Variants in CCDC15 observed in about 807,000 individuals in gnomAD.
The protein encoded by CCDC15 is coiled-coil domain containing 15.
In CCDC15, 105 loss-of-function variants were observed where a neutral mutation model predicts 114.5. The observed-to-expected ratio is 0.92, with a 90% CI of 0.78 to 1.08. CCDC15 has a LOEUF of 1.08. Ranked by LOEUF, CCDC15 falls within the 50% of genes least tolerant of loss-of-function variation. The pLI is 0.00. For synonymous variants in CCDC15, 334 were observed against 377.8 expected (o/e 0.88, Z 1.34); for missense variants, 1,105 against 1,093.6 (o/e 1.01, Z -0.15).
At chr11:124,996,118 A>G (rs1211888088) in intron 11 of CCDC15, among the ~76,000 whole-genome samples, 2 of 152,068 alleles carry the variant, frequency 1.3e-5, no homozygotes, top group African/African-American at 2.4e-5. Context: ...GGTGTGAGCC[A>G]CTGTACCTGG....
intron 11 of CCDC15, 150 bp from the exon 12 acceptor site, chr11:125,003,717 G>A (rs915146189): frequency 1.9e-6 from 1 of 517,428 alleles, no homozygotes; most frequent in African/African-American, 2.0e-5. Context: ...ATTCTTTTTT[G>A]ATTTTATTCT....
chr11:125,031,377 C>T (rs1948738404), intron 13 of CCDC15, among the ~76,000 whole-genome samples: 1 of 152,224 alleles, frequency 6.6e-6, no homozygotes, highest in African/African-American at 2.4e-5. Flanking sequence ...AGACCATGGG[C>T]ATTTGAGCCA....
chr11:125,000,733 C>T (rs943851546), intron 11 of CCDC15, among the ~76,000 whole-genome samples: 1 of 151,978 alleles, frequency 6.6e-6, no homozygotes, highest in Non-Finnish European at 1.5e-5. Context: ...TAAATAACTT[C>T]TAAAATAATA....
intron 13 of CCDC15, among the ~76,000 whole-genome samples, chr11:125,018,524 C>T (rs895927713): frequency 2.6e-5 from 4 of 151,994 alleles, no homozygotes; most frequent in African/African-American, 9.7e-5. Flanking sequence ...TAATACAGCA[C>T]GTGGTTAAGA....
Position 124,967,308 on chromosome 11 carries a change from C to T in CCDC15, c.516+7305C>T, listed in dbSNP as rs186422098. Among the ~76,000 whole-genome samples the T allele has an allele frequency of 6.6e-5, 10 of 152,284 alleles. No individual in the cohort carries two copies. In the East Asian group the frequency reaches 1.9e-3, roughly 29 times the overall value. ...TAGATTTGGTCTTTTCACATAGTCC[C>T]ATATTTCTTGGAGGCTTTGTTCATT... On this transcript the variant is annotated intron_variant, in intron 4 of 15. Transcript: ENST00000344762.
rs1338327158 is a variant in CCDC15, at chr11:124,987,589, C to G, written c.1363C>G (p.His455Asp). 2 of 1,613,774 alleles carry G rather than the reference C, an allele frequency of 1.2e-6. No homozygotes were observed. Among genetic ancestry groups the G allele is most frequent in the Non-Finnish European group, 1.7e-6 (2 of 1,179,850 alleles). Residue 455 changes from histidine to aspartate, a missense_variant, in exon 8 of 16, where the codon CAT becomes GAT. His to Asp is a moderately conservative substitution (Grantham distance 81). Transcript: ENST00000344762. ...QDQDFLPRDQ[H>D]VLHKDQDILP... is the part of the protein sequence containing the mutation. The stretch of plus-strand genomic sequence containing the variant: ...CCAGGACTTCCTACCCAGAGACCAG[C>G]ATGTTCTCCACAAAGACCAAGATAT...
Position 124,987,590 on chromosome 11 carries a change from A to G in CCDC15, c.1364A>G (p.His455Arg). 1.9e-6 allele frequency: 3 copies of G among 1,613,862 alleles called. No homozygotes were observed. Among genetic ancestry groups the G allele is most frequent in the Non-Finnish European group, 1.7e-6 (2 of 1,179,858 alleles). The change falls in exon 8 of 16, where the codon CAT becomes CGT. Residue 455 changes from histidine (H) to arginine (R), a missense_variant. Coordinates refer to ENST00000344762, the MANE Select transcript of CCDC15 (RefSeq NM_025004.3). ...QDQDFLPRDQ[H>R]VLHKDQDILP... ...CAGGACTTCCTACCCAGAGACCAGC[A>G]TGTTCTCCACAAAGACCAAGATATT...
intron 13 of CCDC15, among the ~76,000 whole-genome samples, chr11:125,017,729 A>G (rs1331443656): frequency 6.6e-6 from 1 of 152,102 alleles, no homozygotes; most frequent in Non-Finnish European, 1.5e-5. Context: ...TGCCTCTGAA[A>G]ACTGTCCAGT....
intron 4 of CCDC15, among the ~76,000 whole-genome samples, chr11:124,967,824 A>G (rs12283057): frequency 0.21 from 30,748 of 149,206 alleles, 3,647 homozygotes; most frequent in African/African-American, 0.34. Flanking sequence ...TTTGGTGTGG[A>G]TGTCCTTTTT....
Position 125,013,329 on chromosome 11 carries a change from A to G in CCDC15, c.2411+8117A>G, listed in dbSNP as rs547789437. Among the ~76,000 whole-genome samples, 4 of 152,276 alleles carry G rather than the reference A, an allele frequency of 2.6e-5. No homozygotes were observed. In the South Asian group the frequency reaches 8.3e-4, roughly 32 times the overall value. ...TAAAATAAAAATTTGGGGTGGCTAA[A>G]CCCCAAGTGAAGTGAAGTGGCAGAG... On this transcript the variant is annotated intron_variant, in intron 13 of 15. Coordinates refer to ENST00000344762, the MANE Select transcript of CCDC15 (RefSeq NM_025004.3).
intron 6 of CCDC15, 42 bp from the exon 7 acceptor site, chr11:124,986,700 T>TGTGTGTGTGTGTGTGTGCGCGCGC (rs878887902): frequency 2.3e-6 from 3 of 1,298,018 alleles, no homozygotes; most frequent in African/African-American, 3.3e-5. Context: ...TTTGTGTGTG[T>TGTGTGTGTGTGTGTGTGCGCGCGC]GCGCGCGCGC....
intron 13 of CCDC15, among the ~76,000 whole-genome samples, chr11:125,012,698 G>A (rs1591608469): frequency 6.6e-6 from 1 of 152,096 alleles, no homozygotes; most frequent in East Asian, 1.9e-4. Flanking sequence ...GAATCAAGGT[G>A]GGAGGAAATA....
rs972875380 is a variant in CCDC15 at position 124,959,272 on chromosome 11, C to G, written c.327+8C>G. The stretch of plus-strand genomic sequence containing the variant: ...CAGAAGTCTTATGAAAGAGTAAGTT[C>G]AAAAGTGAGCCTGAGTAAAGATTGA... On this transcript the variant is annotated splice_region_variant and intron_variant, in intron 3 of 15. Transcript: ENST00000344762. 17 of 1,561,100 alleles carry G rather than the reference C, an allele frequency of 1.1e-5. No individual in the cohort carries two copies. Among genetic ancestry groups the G allele is most frequent in the Non-Finnish European group, 1.5e-5 (17 of 1,159,710 alleles).
At chr11:125,020,226 G>A (rs552106538) in intron 13 of CCDC15, among the ~76,000 whole-genome samples, 1 of 152,006 alleles carries the variant, frequency 6.6e-6, no homozygotes, top group African/African-American at 2.4e-5. Context: ...TTTTCCAGCA[G>A]GGCACCTCTT....
rs545770144 is a variant in CCDC15, at chr11:124,959,413, G to T, written c.327+149G>T. 130 of 727,304 alleles carry T rather than the reference G, an allele frequency of 1.8e-4. 3 individuals carry two copies. The South Asian group carries it at 3.3e-3, about 18-fold the overall frequency. The allele number at this position is 727,304 out of a possible 1,614,324, so 45.1% of individuals were successfully genotyped here. The stretch of plus-strand genomic sequence containing the variant: ...GTGAAGACAGTAAATTTTTTTTGTA[G>T]AGAAACCATGTTTTATTCCTGTGTT... On this transcript the variant is annotated intron_variant, in intron 3 of 15. Transcript: ENST00000344762.
At position 124,977,492 on chromosome 11, in the gene CCDC15, G is replaced by A; in HGVS notation, c.645G>A (p.Arg215=). 1 of 1,593,114 alleles carries A rather than the reference G, an allele frequency of 6.3e-7. No individual in the cohort carries two copies. Among genetic ancestry groups the A allele is most frequent in the Non-Finnish European group, 8.5e-7 (1 of 1,170,286 alleles). The change falls in exon 6 of 16, where the codon AGG becomes AGA. Residue 215 remains arginine (R), a synonymous_variant. Coordinates refer to ENST00000344762, the MANE Select transcript of CCDC15 (RefSeq NM_025004.3). The part of the protein sequence containing the change: ...SFLTREEVLS[R]KPASTGINTG... ...TTTTTTTCCAGGAAGTGCTTTCCAGGAAACCAGCATCCACTGGGATAAATA... is the reference window on the plus strand; with the variant it reads ...TTTTTTTCCAGGAAGTGCTTTCCAGAAAACCAGCATCCACTGGGATAAATA...
chr11:125,008,770 G>A (rs1461200215), intron 13 of CCDC15, among the ~76,000 whole-genome samples: 2 of 151,710 alleles, frequency 1.3e-5, no homozygotes, highest in African/African-American at 4.8e-5. Flanking sequence ...TCGGCTCACT[G>A]CAACCTCCGC....
intron 4 of CCDC15, among the ~76,000 whole-genome samples, chr11:124,962,865 G>T (rs905524315): frequency 1.3e-5 from 2 of 152,116 alleles, no homozygotes; most frequent in African/African-American, 4.8e-5. Context: ...TGTTCTCATT[G>T]TTCAATTCCG....
chr11:125,032,517 A>T (rs973199862), intron 13 of CCDC15, among the ~76,000 whole-genome samples: 3 of 152,140 alleles, frequency 2.0e-5, no homozygotes, highest in Non-Finnish European at 4.4e-5. Context: ...CAAATGGGAG[A>T]GTTGAATGAG....
Sources: gnomAD v4.1 joint callset for allele counts (sites outside exome capture counted in the v4.1 genomes callset) on GRCh38, gnomAD v4.1.1 for gene constraint, MANE v1.5 for transcripts, NCBI Gene and HGNC (gene_info 2026-07-23, HGNC 2026-07-21) for gene names.